DCN: variants seen among roughly 807,000 people sequenced by gnomAD.
DCN encodes bone proteoglycan II.
DCN carries 17 observed loss-of-function variants against 36.5 expected under a neutral mutation model. The observed-to-expected ratio is 0.47, with a 90% CI of 0.32 to 0.70. The LOEUF (loss-of-function observed/expected upper bound fraction) is 0.70. DCN is among the 30% of genes least tolerant of loss of function. The pLI is 0.04. For synonymous variants in DCN, 163 were observed against 161.4 expected, an observed-to-expected ratio of 1.01 and a Z score of -0.07; for missense variants, 389 against 430.1, an observed-to-expected ratio of 0.90 and a Z score of 0.84.
At chr12:91,153,868 C>T (rs1158986679) in intron 5 of DCN, among the ~76,000 whole-genome samples, 1 of 152,030 alleles carries the variant, frequency 6.6e-6, no homozygotes, top group East Asian at 1.9e-4. Flanking sequence ...CCCACTAAAC[C>T]TCTAGATAGT....
chr12:91,156,940 T>C (rs2121202932), intron 5 of DCN, 135 bp downstream of exon 5: 1 of 652,560 alleles, frequency 1.5e-6, no homozygotes, highest in Admixed American at 2.5e-5. Flanking sequence ...GATGAAACAC[T>C]AGCAGTAATA....
chr12:91,157,399 T>C (rs997946920), intron 4 of DCN, among the ~76,000 whole-genome samples: 1 of 152,054 alleles, frequency 6.6e-6, no homozygotes, highest in Non-Finnish European at 1.5e-5. Flanking sequence ...AAACAGACAA[T>C]GACTTATGAA....
chr12:91,162,522 T>C (rs985635566), intron 3 of DCN, among the ~76,000 whole-genome samples: 5 of 152,172 alleles, frequency 3.3e-5, no homozygotes, highest in Non-Finnish European at 7.3e-5. Context: ...GTAGTGCCTA[T>C]TCTCATGACA....
In DCN at chr12:91,177,178, A is replaced by G. The variant is rs2121320199; in HGVS notation, c.211+1164T>C. On this transcript the variant is annotated intron_variant, in intron 2 of 7. Coordinates refer to ENST00000052754, the MANE Select transcript of DCN (RefSeq NM_001920.5). ...CCTGCGGCCTTTTGAAAGTCTTCATATAACATTTGTATTTGGGTTTTAAAT... is the reference window on the plus strand; with the variant it reads ...CCTGCGGCCTTTTGAAAGTCTTCATGTAACATTTGTATTTGGGTTTTAAAT... 1.2e-5 allele frequency: 2 copies of G among 170,980 alleles called. 1 individual carries two copies. Among genetic ancestry groups the G allele is most frequent in the Middle Eastern group, 5.5e-3 (2 of 364 alleles). The allele number at this position is 170,980 out of a possible 1,614,324, so 10.6% of individuals were successfully genotyped here. A position where few individuals can be genotyped will look rare whatever the true frequency, so the allele number is the denominator to read the frequency against.
intron 2 of DCN, chr12:91,177,544 T>G: frequency 1.4e-6 from 1 of 702,128 alleles, no homozygotes; most frequent in Non-Finnish European, 2.6e-6. Flanking sequence ...TCATTCCCCT[T>G]TGGCCCATCC....
intron 2 of DCN, among the ~76,000 whole-genome samples, chr12:91,171,885 G>A (rs1000946435): frequency 1.3e-5 from 2 of 152,060 alleles, no homozygotes; most frequent in Admixed American, 6.5e-5. Context: ...ATGTTTTGGG[G>A]TAAAATTCAC....
At chr12:91,147,025 G>C (rs1881070678) in intron 7 of DCN, among the ~76,000 whole-genome samples, 2 of 152,060 alleles carry the variant, frequency 1.3e-5, no homozygotes, top group South Asian at 4.1e-4. Flanking sequence ...TAAGCTCTCA[G>C]AGCAATTGCT....
rs902158975 is a variant in DCN at position 91,142,732 on chromosome 12, A to T, written c.*3326T>A. The T allele has an allele frequency of 6.6e-6, 1 of 152,236 alleles. No individual in the cohort carries two copies. Among genetic ancestry groups the T allele is most frequent in the African/African-American group, 2.4e-5 (1 of 41,474 alleles). The allele number at this position is 152,236 out of a possible 1,614,324, so 9.4% of individuals were successfully genotyped here. On this transcript the variant is annotated 3_prime_UTR_variant, in exon 8 of 8. Transcript: ENST00000052754. ...AGTGGTATGGCCTAGGCTAGCATAAATGTACAACAGAGGCCTTTCCAACCA... is the reference window on the plus strand; with the variant it reads ...AGTGGTATGGCCTAGGCTAGCATAATTGTACAACAGAGGCCTTTCCAACCA...
At chr12:91,154,675 G>C (rs1881646075) in intron 5 of DCN, among the ~76,000 whole-genome samples, 1 of 152,110 alleles carries the variant, frequency 6.6e-6, no homozygotes, top group East Asian at 1.9e-4. Flanking sequence ...CCATACTCCA[G>C]TTATTTTATT....
At chr12:91,160,498 A>G (rs917573948) in intron 3 of DCN, among the ~76,000 whole-genome samples, 1 of 152,072 alleles carries the variant, frequency 6.6e-6, no homozygotes, top group Non-Finnish European at 1.5e-5. Context: ...TTTATAGGCA[A>G]TTATTAGTGC....
Position 91,164,636 on chromosome 12 carries a change from T to C in DCN, c.293A>G (p.Asp98Gly). 6.2e-7 allele frequency: 1 copy of C among 1,610,280 alleles called. No homozygotes were observed. The highest frequency in any genetic ancestry group is 8.5e-7 in the Non-Finnish European group (1 of 1,176,506). Residue 98 changes from aspartate to glycine, a missense_variant, in exon 3 of 8, where the codon GAT (aspartate) becomes GGT (glycine). Transcript: ENST00000052754. The stretch of plus-strand genomic sequence containing the variant: ...GTTCTTCAGGTTCTTAAAGTCTCCA[T>C]CTTTGATTTCGGTTATTTTGTTGTT... Reference protein sequence around the residue: ...LQNNKITEIKDGDFKNLKNLH... With the variant: ...LQNNKITEIKGGDFKNLKNLH...
chr12:91,170,895 AAC>A (rs1005391482), intron 2 of DCN, among the ~76,000 whole-genome samples: 16 of 152,214 alleles, frequency 1.1e-4, no homozygotes, highest in African/African-American at 3.1e-4. Flanking sequence ...TATTCTATGA[AAC>A]AGTTATCCTA....
Position 91,146,008 on chromosome 12 carries a change from G to T in DCN, c.*50C>A. ...TAGCTTTTATTTATTTTTTAGCAAT[G>T]ACATTAACAAGATTTTGCCAGGTTA... On this transcript the variant is annotated 3_prime_UTR_variant, in exon 8 of 8. Coordinates refer to ENST00000052754, the MANE Select transcript of DCN (RefSeq NM_001920.5). 7.1e-7 allele frequency: 1 copy of T among 1,405,988 alleles called. No homozygotes were observed. Among genetic ancestry groups the T allele is most frequent in the South Asian group, 1.2e-5 (1 of 86,572 alleles). The allele number at this position is 1,405,988 out of a possible 1,614,324, so 87.1% of individuals were successfully genotyped here.
intron 2 of DCN, among the ~76,000 whole-genome samples, chr12:91,169,359 C>T (rs934558198): frequency 1.1e-5 from 1 of 93,586 alleles, no homozygotes; most frequent in African/African-American, 4.2e-5. Flanking sequence ...CCAGCCTAGG[C>T]AACAGGGGGA....
intron 7 of DCN, among the ~76,000 whole-genome samples, chr12:91,147,621 T>C (rs3138282): frequency 0.029 from 4,404 of 152,256 alleles, 215 homozygotes; most frequent in African/African-American, 0.1. Context: ...TGAAATATTA[T>C]GTTTTCAGGA....
At chr12:91,176,550 T>C (rs1393671166) in intron 2 of DCN, 1 of 152,148 alleles carries the variant, frequency 6.6e-6, no homozygotes, top group Non-Finnish European at 1.5e-5. Flanking sequence ...ACTTATGCCT[T>C]TTTACATAAC....
At chr12:91,155,566 T>A (rs1881710363) in intron 5 of DCN, among the ~76,000 whole-genome samples, 2 of 152,150 alleles carry the variant, frequency 1.3e-5, no homozygotes, top group South Asian at 4.1e-4. Flanking sequence ...TTGTGCTAAA[T>A]GTAAGTCATC....
chr12:91,152,275 G>A (rs1198653838), intron 6 of DCN, among the ~76,000 whole-genome samples: 1 of 149,914 alleles, frequency 6.7e-6, no homozygotes, highest in African/African-American at 2.5e-5. Flanking sequence ...ACCTAGTAAA[G>A]GAGTTGATTA....
rs192986273 is a variant in DCN at position 91,141,628 on chromosome 12, G to A, written c.*4430C>T. On this transcript the variant is annotated 3_prime_UTR_variant, in exon 8 of 8. Transcript: ENST00000052754. ...AGTAGGTTATTAATAAATATTGGCT[G>A]AAAAAATGAAGTAATATGTGCTAGT... 15 of 152,190 alleles carry A rather than the reference G, an allele frequency of 9.9e-5. No homozygotes were observed. The highest frequency in any genetic ancestry group is 5.9e-4 in the Admixed American group (9 of 15,286). 9.4% of individuals were successfully genotyped at this position (152,190 alleles called of 1,614,324 possible). A position where few individuals can be genotyped will look rare whatever the true frequency, so the allele number is the denominator to read the frequency against.
Sources: allele counts gnomAD v4.1 joint callset (sites outside exome capture counted in the v4.1 genomes callset), GRCh38; gene constraint gnomAD v4.1.1; transcripts MANE v1.5; gene names NCBI Gene and HGNC (gene_info 2026-07-23, HGNC 2026-07-21).